The following GPRIN2 variants were observed in gnomAD, a reference collection of about 807,000 sequenced individuals.
GPRIN2 encodes G protein regulated inducer of neurite outgrowth 2, also known as G protein-regulated inducer of neurite outgrowth 2.
Under a neutral mutation model 0.3 loss-of-function variants are expected in GPRIN2, and 1 was observed. The observed-to-expected ratio is 3.90, with a 90% CI of 1.39 to 18.51. The LOEUF is 18.51. GPRIN2 is among the 30% of genes most tolerant of loss of function. The pLI is 0.11. For synonymous variants in GPRIN2, 361 were observed against 258.6 expected, an observed-to-expected ratio of 1.40 and a Z score of -3.80; for missense variants, 880 against 604.2, an observed-to-expected ratio of 1.46 and a Z score of -4.79.
In GPRIN2 at chr10:46,550,051, A is replaced by G; in HGVS notation, c.686T>C (p.Leu229Pro). 6.2e-7 allele frequency: 1 copy of G among 1,613,756 alleles called. No homozygotes were observed. Among genetic ancestry groups the G allele is most frequent in the Non-Finnish European group, 8.5e-7 (1 of 1,179,848 alleles). The stretch of plus-strand genomic sequence containing the variant: ...GCCACAGAGTAGAGCAGCTGGGGGC[A>G]GAGCATGGCAGGTGGTGGTAGCCAG... ...EQLATTTCHALPPAALLCGMR... is the reference protein window; with the variant it reads ...EQLATTTCHAPPPAALLCGMR... The change falls in exon 3 of 3, where the codon CTG (leucine) becomes CCG (proline). Residue 229 changes from leucine (L) to proline (P), a missense_variant. Leu to Pro is a moderately conservative substitution (Grantham distance 98). Transcript: ENST00000374314.
In GPRIN2 at chr10:46,548,315, C is replaced by T. The variant is rs1047111479; in HGVS notation, c.*1045G>A. Among the ~76,000 whole-genome samples the T allele has an allele frequency of 7.9e-5, 12 of 151,216 alleles. No homozygotes were observed. Among genetic ancestry groups the T allele is most frequent in the South Asian group, 4.2e-4 (2 of 4,772 alleles). On this transcript the variant is annotated 3_prime_UTR_variant, in exon 3 of 3. Transcript: ENST00000374314. ...GCCTAGGTCAGGTCATGTGGGCAAGCGAGCCCCCACAGCCTCACAGCCCCT... is the reference window on the plus strand; with the variant it reads ...GCCTAGGTCAGGTCATGTGGGCAAGTGAGCCCCCACAGCCTCACAGCCCCT...
chr10:46,554,391 C>T (rs1831996796), intron 2 of GPRIN2, among the ~76,000 whole-genome samples, 194 bp downstream of exon 2: 1 of 152,424 alleles, frequency 6.6e-6, no homozygotes, highest in South Asian at 2.1e-4. Context: ...TAAATGTTAA[C>T]CTAGGAGGCT....
chr10:46,549,891 C>T lies in GPRIN2; in HGVS notation c.846G>A (p.Leu282=), dbSNP rs1842465569. Residue 282 remains leucine (L), a synonymous_variant, in exon 3 of 3, where the codon TTG becomes TTA. Transcript: ENST00000374314. ...AQHGVKIHCR[L]SGGLPGHSHC... The stretch of plus-strand genomic sequence containing the variant: ...GGGAATGCCCAGGGAGCCCCCCAGA[C>T]AACCTACAGTGGATCTTCACCCCAT... 6.2e-7 allele frequency: 1 copy of T among 1,614,150 alleles called. No individual in the cohort carries two copies. Among genetic ancestry groups the T allele is most frequent in the Non-Finnish European group, 8.5e-7 (1 of 1,180,064 alleles).
At chr10:46,553,873 G>C (rs1359240030) in intron 2 of GPRIN2, among the ~76,000 whole-genome samples, 1 of 151,620 alleles carries the variant, frequency 6.6e-6, no homozygotes, top group Non-Finnish European at 1.5e-5. Context: ...AGGGCTCTGA[G>C]GGGAGTACTG....
At position 46,544,649 on chromosome 10, in the gene GPRIN2, T is replaced by C. The variant is rs1293736289; in HGVS notation, c.*4711A>G. Among the ~76,000 whole-genome samples the C allele has an allele frequency of 6.6e-6, 1 of 152,310 alleles. No individual in the cohort carries two copies. Among genetic ancestry groups the C allele is most frequent in the African/African-American group, 2.4e-5 (1 of 41,488 alleles). On this transcript the variant is annotated 3_prime_UTR_variant, in exon 3 of 3. Coordinates refer to ENST00000374314, the MANE Select transcript of GPRIN2 (RefSeq NM_001385282.1). Reference sequence around the variant, plus strand: ...GAGTCCACACTTCTAAGCTTGCTGTTGCTCTCAGACTTGCAGAACAACCTA... The same window carrying C: ...GAGTCCACACTTCTAAGCTTGCTGTCGCTCTCAGACTTGCAGAACAACCTA...
rs1842483752 is a variant in GPRIN2 at position 46,550,256 on chromosome 10, T to C, written c.481A>G (p.Thr161Ala). 1.9e-6 allele frequency: 3 copies of C among 1,610,670 alleles called. No homozygotes were observed. In the African/African-American group the frequency reaches 4.0e-5, roughly 21 times the overall value. The change falls in exon 3 of 3, where the codon ACT becomes GCT. Residue 161 changes from threonine to alanine, a missense_variant. Transcript: ENST00000374314. ...VHRAQLQPGG[T>A]SGQGGQAPAG... ...GGGGCCTGGCCACCCTGGCCAGAAG[T>C]ACCACCTGGCTGCAGCTGAGCCCTG...
intron 2 of GPRIN2, 91 bp downstream of exon 2, chr10:46,554,494 C>G (rs1378930360): frequency 3.9e-5 from 6 of 152,922 alleles, no homozygotes; most frequent in African/African-American, 1.4e-4. Context: ...TCTGGTTTTG[C>G]CCTAAAGGGA....
In GPRIN2 at chr10:46,542,696, G is replaced by A. The variant is rs1290850556; in HGVS notation, c.*6664C>T. ...AGCATGAAAATGGACTAATATGGAG[G>A]GGTCAAAGACAGAAATCTCCTCCTC... On this transcript the variant is annotated 3_prime_UTR_variant, in exon 3 of 3. Transcript: ENST00000374314. Among the ~76,000 whole-genome samples the A allele has an allele frequency of 6.6e-6, 1 of 152,308 alleles. No homozygotes were observed. The highest frequency in any genetic ancestry group is 1.5e-5 in the Non-Finnish European group (1 of 68,056).
In GPRIN2 at chr10:46,547,406, A is replaced by G. The variant is rs1832853372; in HGVS notation, c.*1954T>C. On this transcript the variant is annotated 3_prime_UTR_variant, in exon 3 of 3. Transcript: ENST00000374314. Reference sequence around the variant, plus strand: ...AGTTCCTTTCCTCATTTACATCAGGATCTTCACAATGGGGACCCCTGGTCA... The same window carrying G: ...AGTTCCTTTCCTCATTTACATCAGGGTCTTCACAATGGGGACCCCTGGTCA... Among the ~76,000 whole-genome samples the G allele has an allele frequency of 2.0e-5, 3 of 152,310 alleles. No individual in the cohort carries two copies. Among genetic ancestry groups the G allele is most frequent in the Admixed American group, 2.0e-4 (3 of 15,294 alleles).
rs1323324713 is a variant in GPRIN2 at position 46,546,076 on chromosome 10, A to C, written c.*3284T>G. Among the ~76,000 whole-genome samples, 2 of 152,306 alleles carry C rather than the reference A, an allele frequency of 1.3e-5. No homozygotes were observed. Among genetic ancestry groups the C allele is most frequent in the Non-Finnish European group, 2.9e-5 (2 of 68,052 alleles). ...AGGGGACAGAGACCCAATCCAGGTG[A>C]CACAGGAGGTAAGATCACAGTGGAA... is the stretch of plus-strand genomic sequence containing the variant. On this transcript the variant is annotated 3_prime_UTR_variant, in exon 3 of 3. Transcript: ENST00000374314.
intron 2 of GPRIN2, among the ~76,000 whole-genome samples, chr10:46,553,266 A>G (rs953724509): frequency 6.6e-6 from 1 of 152,306 alleles, no homozygotes; most frequent in African/African-American, 2.4e-5. Context: ...AATCGTGCTC[A>G]TGACATGCCA....
chr10:46,544,952 T>C lies in GPRIN2; in HGVS notation c.*4408A>G, dbSNP rs1264209198. On this transcript the variant is annotated 3_prime_UTR_variant, in exon 3 of 3. Transcript: ENST00000374314. Reference sequence around the variant, plus strand: ...GGCTTCATACCAGCCCTGCCCTGCCTGACAAGTTGGATGAAAACTGATAAA... The same window carrying C: ...GGCTTCATACCAGCCCTGCCCTGCCCGACAAGTTGGATGAAAACTGATAAA... 6.6e-6 allele frequency among the ~76,000 whole-genome samples: 1 copy of C among 152,306 alleles called. No individual in the cohort carries two copies. Among genetic ancestry groups the C allele is most frequent in the Admixed American group, 6.5e-5 (1 of 15,292 alleles).
rs1188484361 is a variant in GPRIN2, at chr10:46,548,979, C to T, written c.*381G>A. Reference sequence around the variant, plus strand: ...ATTTCATGTCGAGAATTCACTATTTCTCAGCACTGATTTCAAATAAAGCCA... The same window carrying T: ...ATTTCATGTCGAGAATTCACTATTTTTCAGCACTGATTTCAAATAAAGCCA... On this transcript the variant is annotated 3_prime_UTR_variant, in exon 3 of 3. Transcript: ENST00000374314. The T allele has an allele frequency of 6.9e-6, 2 of 289,028 alleles. No individual in the cohort carries two copies. The highest frequency in any genetic ancestry group is 4.4e-5 in the African/African-American group (2 of 45,826). 17.9% of individuals were successfully genotyped at this position (289,028 alleles called of 1,614,324 possible).
At position 46,547,426 on chromosome 10, in the gene GPRIN2, T is replaced by C. The variant is rs1832850568; in HGVS notation, c.*1934A>G. 6.6e-6 allele frequency among the ~76,000 whole-genome samples: 1 copy of C among 152,420 alleles called. No homozygotes were observed. Among genetic ancestry groups the C allele is most frequent in the South Asian group, 2.1e-4 (1 of 4,834 alleles). Reference sequence around the variant, plus strand: ...TCAGGATCTTCACAATGGGGACCCCTGGTCACCTCCCAACCCAACAAACGC... The same window carrying C: ...TCAGGATCTTCACAATGGGGACCCCCGGTCACCTCCCAACCCAACAAACGC... On this transcript the variant is annotated 3_prime_UTR_variant, in exon 3 of 3. Transcript: ENST00000374314.
rs968428526 is a variant in GPRIN2, at chr10:46,550,840, G to A, written c.-6-98C>T. On this transcript the variant is annotated intron_variant, in intron 2 of 2. Transcript: ENST00000374314. ...CCCACAGTGCTAGGTTCACCAGGGA[G>A]CCACCTTCAGTCCCAGCCTGCCTGA... 46 of 1,327,132 alleles carry A rather than the reference G, an allele frequency of 3.5e-5. No individual in the cohort carries two copies. In the African/African-American group the frequency reaches 5.8e-4, roughly 17 times the overall value. 82.2% of individuals were successfully genotyped at this position (1,327,132 alleles called of 1,614,324 possible). A position where few individuals can be genotyped will look rare whatever the true frequency, so the allele number is the denominator to read the frequency against.
Position 46,545,313 on chromosome 10 carries a change from G to A in GPRIN2, c.*4047C>T, listed in dbSNP as rs1244183385. Among the ~76,000 whole-genome samples the A allele has an allele frequency of 1.3e-5, 2 of 152,298 alleles. No homozygotes were observed. Among genetic ancestry groups the A allele is most frequent in the Admixed American group, 6.5e-5 (1 of 15,294 alleles). The stretch of plus-strand genomic sequence containing the variant: ...AGCTTCCTAGCCTGCCTGCCAGAGA[G>A]CAGAAGTGCCTGGAGGCTACATCTT... On this transcript the variant is annotated 3_prime_UTR_variant, in exon 3 of 3. Coordinates refer to ENST00000374314, the MANE Select transcript of GPRIN2 (RefSeq NM_001385282.1).
At chr10:46,554,991 G>A (rs1321590305) in intron 1 of GPRIN2, among the ~76,000 whole-genome samples, 4 of 152,274 alleles carry the variant, frequency 2.6e-5, no homozygotes, top group Non-Finnish European at 1.5e-5. Context: ...CTGTCTCCCA[G>A]GCTCGAGTAC....
rs1172473135 is a variant in GPRIN2 at position 46,542,003 on chromosome 10, C to G, written c.*7357G>C. Among the ~76,000 whole-genome samples, 1 of 152,302 alleles carries G rather than the reference C, an allele frequency of 6.6e-6. No individual in the cohort carries two copies. The highest frequency in any genetic ancestry group is 1.5e-5 in the Non-Finnish European group (1 of 68,056). ...CCCTTGCCCATCTCCCTGAATACCCCCAACTCTGAAGAGAAAAAAAATCAA... is the reference window on the plus strand; with the variant it reads ...CCCTTGCCCATCTCCCTGAATACCCGCAACTCTGAAGAGAAAAAAAATCAA... On this transcript the variant is annotated 3_prime_UTR_variant, in exon 3 of 3. Coordinates refer to ENST00000374314, the MANE Select transcript of GPRIN2 (RefSeq NM_001385282.1).
chr10:46,543,962 G>GTTTT lies in GPRIN2; in HGVS notation c.*5394_*5397dup, dbSNP rs55715829. On this transcript the variant is annotated 3_prime_UTR_variant, in exon 3 of 3. Transcript: ENST00000374314. The stretch of plus-strand genomic sequence containing the variant: ...GGCCCACGTCACTTTGGTTTCGCTT[G>GTTTT]TTTTTTTTTTTAGTAAACATCAGCT... 2.0e-5 allele frequency among the ~76,000 whole-genome samples: 3 copies of GTTTT among 151,928 alleles called. No individual in the cohort carries two copies. Among genetic ancestry groups the GTTTT allele is most frequent in the African/African-American group, 4.8e-5 (2 of 41,308 alleles).
Sources: allele counts gnomAD v4.1 joint callset (sites outside exome capture counted in the v4.1 genomes callset), GRCh38; gene constraint gnomAD v4.1.1; transcripts MANE v1.5; gene names NCBI Gene and HGNC (gene_info 2026-07-23, HGNC 2026-07-21).